Variants in ANK1 observed in about 807,000 individuals in gnomAD.
The protein encoded by ANK1 is ankyrin 1, also known as ankyrin-1.
A neutral mutation model predicts 210.4 loss-of-function variants in ANK1; 51 were observed. The ratio of observed to expected loss-of-function variants is 0.24; its 90% confidence interval spans 0.19 to 0.31. The LOEUF (loss-of-function observed/expected upper bound fraction) is 0.31. Ranked by LOEUF, ANK1 falls within the 10% of genes least tolerant of loss-of-function variation. ANK1 has a pLI of 1.00. For missense variants in ANK1, 2,051 were observed against 2,504.4 expected, an observed-to-expected ratio of 0.82 and a Z score of 3.86; for synonymous variants, 967 against 1,025.9, an observed-to-expected ratio of 0.94 and a Z score of 1.10.
chr8:41,661,405 G>C, intron 42 of ANK1, 25 bp downstream of exon 42: 2 of 1,613,208 alleles, frequency 1.2e-6, no homozygotes, highest in Non-Finnish European at 8.5e-7. Context: ...AGGCCATGCA[G>C]AGGGGATGAG....
intron 1 of ANK1, among the ~76,000 whole-genome samples, chr8:41,837,164 C>G (rs1807910724): frequency 6.6e-6 from 1 of 152,190 alleles, no homozygotes; most frequent in Admixed American, 6.5e-5. Flanking sequence ...CCCTTTCTCA[C>G]AGAGTAATTT....
In ANK1 at chr8:41,716,963, G is replaced by C; in HGVS notation, c.1394C>G (p.Ala465Gly). Reference sequence around the variant, plus strand: ...GCCTTCACTACTCACCTTGGCCTTGGCATTGACTTTGGCTTTGTTCTGGAG... The same window carrying C: ...GCCTTCACTACTCACCTTGGCCTTGCCATTGACTTTGGCTTTGTTCTGGAG... Reference protein sequence around the residue: ...YLLQNKAKVNAKAKDDQTPLH... With the variant: ...YLLQNKAKVNGKAKDDQTPLH... Residue 465 changes from alanine to glycine, a missense_variant, in exon 13 of 43, where the codon GCC becomes GGC. By Grantham distance (60) the Ala-to-Gly change is moderately conservative. Transcript: ENST00000289734. 1 of 1,614,092 alleles carries C rather than the reference G, an allele frequency of 6.2e-7. No individual in the cohort carries two copies.
chr8:41,827,109 A>G (rs893360974), intron 1 of ANK1, among the ~76,000 whole-genome samples: 7 of 152,258 alleles, frequency 4.6e-5, no homozygotes, highest in Non-Finnish European at 1.0e-4. Flanking sequence ...TACACATAGT[A>G]GTGCTCAGTA....
At chr8:41,752,925 C>T (rs56336210) in intron 2 of ANK1, among the ~76,000 whole-genome samples, 37,317 of 151,820 alleles carry the variant, frequency 0.25, 5,380 homozygotes, top group Middle Eastern at 0.34. Context: ...CCTCTATGCT[C>T]GGGAGAAAGA....
chr8:41,858,844 C>G (rs1812699813), intron 1 of ANK1, among the ~76,000 whole-genome samples: 1 of 152,202 alleles, frequency 6.6e-6, no homozygotes, highest in Non-Finnish European at 1.5e-5. Context: ...CTTAATAAAT[C>G]CAGGCTGTTC....
chr8:41,670,999 G>A (rs1478253867), intron 38 of ANK1, among the ~76,000 whole-genome samples: 1 of 152,220 alleles, frequency 6.6e-6, no homozygotes, highest in Admixed American at 6.5e-5. Flanking sequence ...GGCCTGGCTT[G>A]TCTTGGCATC....
intron 1 of ANK1, among the ~76,000 whole-genome samples, chr8:41,889,317 G>A (rs1410340477): frequency 1.3e-5 from 2 of 152,202 alleles, no homozygotes; most frequent in Non-Finnish European, 2.9e-5. Flanking sequence ...AACCTATTGG[G>A]CGACAGAGTG....
At chr8:41,795,159 C>T (rs1848518576) in intron 1 of ANK1, among the ~76,000 whole-genome samples, 1 of 152,204 alleles carries the variant, frequency 6.6e-6, no homozygotes, top group East Asian at 1.9e-4. Flanking sequence ...AATAAGTCAG[C>T]TGGTTTTGCA....
chr8:41,779,058 C>A lies in ANK1; in HGVS notation c.27+18454G>T, dbSNP rs1048797721. The stretch of plus-strand genomic sequence containing the variant: ...ACCCGATGGTGTTCAGTCCCGGAGG[C>A]CTTTATGAGGAGGTGACACTTGGGG... On this transcript the variant is annotated intron_variant, in intron 1 of 42. Transcript: ENST00000289734. Among the ~76,000 whole-genome samples, 9 of 152,084 alleles carry A rather than the reference C, an allele frequency of 5.9e-5. No homozygotes were observed. The East Asian group carries it at 9.7e-4, about 16-fold the overall frequency.
intron 9 of ANK1, among the ~76,000 whole-genome samples, chr8:41,720,796 A>G (rs1486584809): frequency 6.6e-6 from 1 of 152,100 alleles, no homozygotes; most frequent in East Asian, 1.9e-4. Flanking sequence ...AAAGGGGAAG[A>G]ACATCCTAGG....
chr8:41,862,830 C>A (rs969066054), intron 1 of ANK1, among the ~76,000 whole-genome samples: 1 of 151,144 alleles, frequency 6.6e-6, no homozygotes, highest in Admixed American at 6.6e-5. Context: ...GGCAACATGG[C>A]AAGACCCCTG....
chr8:41,669,165 C>G (rs1312033886), intron 38 of ANK1, among the ~76,000 whole-genome samples: 2 of 151,674 alleles, frequency 1.3e-5, no homozygotes, highest in African/African-American at 4.8e-5. Context: ...ACATCCACTT[C>G]CTAAGCAAGC....
At chr8:41,791,573 A>G (rs189382844) in intron 1 of ANK1, among the ~76,000 whole-genome samples, 71 of 152,144 alleles carry the variant, frequency 4.7e-4, no homozygotes, top group Admixed American at 4.1e-3. Context: ...CTGGGACTAC[A>G]GGCGCACGCC....
Position 41,690,609 on chromosome 8 carries a change from AG to A in ANK1, c.3859-11del. On this transcript the variant is annotated splice_polypyrimidine_tract_variant and intron_variant, in intron 31 of 42. Transcript: ENST00000289734. Reference sequence around the variant, plus strand: ...ACATTCCTTCCAACACCTGCAGGAGAGGAAAAGCAGATACAGCTTGTCAGGG... The same window carrying A: ...ACATTCCTTCCAACACCTGCAGGAGAGAAAAGCAGATACAGCTTGTCAGGG... The A allele has an allele frequency of 6.2e-7, 1 of 1,611,104 alleles. No individual in the cohort carries two copies. Among genetic ancestry groups the A allele is most frequent in the Non-Finnish European group, 8.5e-7 (1 of 1,179,932 alleles).
At chr8:41,750,346 T>G (rs1366503153) in intron 2 of ANK1, among the ~76,000 whole-genome samples, 2 of 152,226 alleles carry the variant, frequency 1.3e-5, no homozygotes, top group Admixed American at 6.5e-5. Context: ...ATCGTTCAGA[T>G]GGTCGAGCTT....
At chr8:41,723,677 T>G (rs775834640) in intron 7 of ANK1, 44 bp from the exon 8 acceptor site, 1 of 1,579,096 alleles carries the variant, frequency 6.3e-7, no homozygotes, top group East Asian at 2.2e-5. Flanking sequence ...CATCCTTCCC[T>G]GGAATGCAGC....
chr8:41,675,253 C>T (rs58299989), intron 37 of ANK1, among the ~76,000 whole-genome samples: 2,393 of 152,230 alleles, frequency 0.016, 22 homozygotes, highest in East Asian at 0.061. Flanking sequence ...TGCGCCATGA[C>T]GCCTGGCCAA....
chr8:41,694,120 C>A lies in ANK1; in HGVS notation c.3328-18G>T. On this transcript the variant is annotated intron_variant, in intron 28 of 42. Transcript: ENST00000289734. The surrounding 1 kb of genome is among the most constrained non-coding windows in gnomAD (Gnocchi z 5.7). ...GGCTGGGCCTGTGAAATGACAGAGGCAGGACACTCAGGCCCAAGCAGGAGA... is the reference window on the plus strand; with the variant it reads ...GGCTGGGCCTGTGAAATGACAGAGGAAGGACACTCAGGCCCAAGCAGGAGA... 1 of 1,610,030 alleles carries A rather than the reference C, an allele frequency of 6.2e-7. No individual in the cohort carries two copies. The highest frequency in any genetic ancestry group is 1.7e-5 in the Admixed American group (1 of 59,550).
intron 1 of ANK1, among the ~76,000 whole-genome samples, chr8:41,843,705 G>T (rs955985788): frequency 6.6e-6 from 1 of 152,150 alleles, no homozygotes; most frequent in African/African-American, 2.4e-5. Context: ...AGATCTCTCC[G>T]CTCTCTCTGC....
Sources: gnomAD v4.1 joint callset for allele counts (sites outside exome capture counted in the v4.1 genomes callset) on GRCh38, gnomAD v4.1.1 for gene constraint, Gnocchi (gnomAD v3.1) non-coding constraint, MANE v1.5 for transcripts, NCBI Gene and HGNC (gene_info 2026-07-23, HGNC 2026-07-21) for gene names.